Variants in SFXN4 observed in about 807,000 individuals in gnomAD.
SFXN4 encodes the protein sideroflexin-4.
In SFXN4, 48 loss-of-function variants were observed where a neutral mutation model predicts 54.6. That is an observed-to-expected ratio of 0.88 (90% CI 0.70 to 1.12). The LOEUF is 1.12. Ranked by LOEUF, SFXN4 falls within the 50% of genes most tolerant of loss-of-function variation. The probability of loss-of-function intolerance (pLI) is 0.00; values close to 1 mark genes in which losing one functional copy is unlikely to be tolerated. For synonymous variants in SFXN4, 130 were observed against 145.5 expected (o/e 0.89, Z 0.77); for missense variants, 383 against 409.2 (o/e 0.94, Z 0.55).
chr10:119,165,391 T>A, intron 1 of SFXN4, 146 bp downstream of exon 1: 1 of 1,328,998 alleles, frequency 7.5e-7, no homozygotes, highest in Non-Finnish European at 9.6e-7. Flanking sequence ...AGGCCGGTGG[T>A]GCGCGTTCCC....
intron 12 of SFXN4, among the ~76,000 whole-genome samples, 171 bp from the exon 13 acceptor site, chr10:119,146,524 G>A (rs1212734644): frequency 6.6e-6 from 1 of 151,472 alleles, no homozygotes; most frequent in Non-Finnish European, 1.5e-5. Flanking sequence ...TGTTGTACCT[G>A]AACAGCTAGA....
chr10:119,164,451 T>A (rs1017649640), intron 1 of SFXN4, among the ~76,000 whole-genome samples: 19 of 152,118 alleles, frequency 1.2e-4, no homozygotes, highest in Non-Finnish European at 7.4e-5. Flanking sequence ...GCCCTTAACC[T>A]CTCAGTATCA....
At chr10:119,158,167 G>T (rs1266041204) in intron 6 of SFXN4, 105 bp from the exon 7 acceptor site, 1 of 1,073,128 alleles carries the variant, frequency 9.3e-7, no homozygotes, top group Admixed American at 1.7e-5. Flanking sequence ...CCCCCAAGGA[G>T]CTGGGGCAGG....
Position 119,144,272 on chromosome 10 carries a change from T to C in SFXN4, c.936+1964A>G, listed in dbSNP as rs185006147. On this transcript the variant is annotated intron_variant, in intron 13 of 13. Transcript: ENST00000355697. ...GAGATCGAGACCATCCTGGCTAACA[T>C]GGTGAAACCCCATTTCTACTAAAAA... 5.1e-3 allele frequency among the ~76,000 whole-genome samples: 781 copies of C among 152,136 alleles called. 25 individuals are homozygous for C. The highest frequency in any genetic ancestry group is 0.043 in the Admixed American group (659 of 15,264).
At chr10:119,162,182 C>T (rs924013750) in intron 3 of SFXN4, 158 bp downstream of exon 3, 1 of 633,622 alleles carries the variant, frequency 1.6e-6, no homozygotes, top group East Asian at 2.8e-5. Context: ...ATAACAATGA[C>T]AGCATTAATA....
rs866477619 is a variant in SFXN4, at chr10:119,153,544, A to G, written c.732+1518T>C. On this transcript the variant is annotated intron_variant, in intron 11 of 13. Transcript: ENST00000355697. ...TTCTAAGTCCATTCTTGACAAAAGT[A>G]GTCCTTAGCAATGAAGACTATAAGG... 2.0e-5 allele frequency among the ~76,000 whole-genome samples: 3 copies of G among 152,258 alleles called. No homozygotes were observed. The South Asian group carries it at 6.2e-4, about 32-fold the overall frequency.
At position 119,154,829 on chromosome 10, in the gene SFXN4, T is replaced by A. The variant is rs183387586; in HGVS notation, c.732+233A>T. ...GCCAGTGCGACAGAGCAAGACCCTG[T>A]CTCAGAAAGAAAGATTATGTACATA... is the stretch of plus-strand genomic sequence containing the variant. On this transcript the variant is annotated intron_variant, in intron 11 of 13. Coordinates refer to ENST00000355697, the MANE Select transcript of SFXN4 (RefSeq NM_213649.2). 3.9e-5 allele frequency among the ~76,000 whole-genome samples: 6 copies of A among 152,284 alleles called. No individual in the cohort carries two copies. In the East Asian group the frequency reaches 1.2e-3, roughly 29 times the overall value.
chr10:119,155,015 G>C, intron 11 of SFXN4, 47 bp downstream of exon 11: 1 of 1,324,494 alleles, frequency 7.6e-7, no homozygotes, highest in Non-Finnish European at 1.1e-6. Flanking sequence ...GAAAAGTCTA[G>C]TCGTTGCCCA....
intron 3 of SFXN4, 146 bp from the exon 4 acceptor site, chr10:119,161,227 T>A: frequency 1.4e-6 from 1 of 719,662 alleles, no homozygotes; most frequent in South Asian, 1.8e-5. Flanking sequence ...CAAACGATCC[T>A]CCCACCTCAC....
At chr10:119,157,968 A>G (rs538437564) in intron 7 of SFXN4, 41 bp from the exon 8 acceptor site, 6 of 1,614,180 alleles carry the variant, frequency 3.7e-6, no homozygotes, top group Non-Finnish European at 4.2e-6. Flanking sequence ...CGTTTCAAGC[A>G]TAACAGAATT....
chr10:119,146,786 T>C (rs545616893), intron 12 of SFXN4, among the ~76,000 whole-genome samples: 7 of 152,314 alleles, frequency 4.6e-5, no homozygotes, highest in Non-Finnish European at 1.0e-4. Flanking sequence ...CAGGATGGTC[T>C]AGAACTCCTG....
At chr10:119,147,930 G>A in intron 11 of SFXN4, 70 bp from the exon 12 acceptor site, 1 of 1,270,650 alleles carries the variant, frequency 7.9e-7, no homozygotes, top group Non-Finnish European at 1.1e-6. Context: ...CTGCACTTTG[G>A]GAGGCCGAGG....
At chr10:119,149,152 G>A (rs1407607985) in intron 11 of SFXN4, among the ~76,000 whole-genome samples, 1 of 152,120 alleles carries the variant, frequency 6.6e-6, no homozygotes, top group African/African-American at 2.4e-5. Context: ...CTCCTGAGTA[G>A]CTAACATGTT....
At chr10:119,146,565 GTTTGT>G (rs1261402443) in intron 12 of SFXN4, among the ~76,000 whole-genome samples, 1 of 151,624 alleles carries the variant, frequency 6.6e-6, no homozygotes. Context: ...GTTTTTGTTT[GTTTGT>G]TTTGTGTTTT....
At chr10:119,152,717 T>A (rs983096566) in intron 11 of SFXN4, among the ~76,000 whole-genome samples, 1 of 152,114 alleles carries the variant, frequency 6.6e-6, no homozygotes, top group Non-Finnish European at 1.5e-5. Flanking sequence ...TAATTCAGCT[T>A]TGTCAGTCAG....
intron 11 of SFXN4, among the ~76,000 whole-genome samples, chr10:119,152,955 C>G (rs1249710269): frequency 1.3e-5 from 2 of 152,072 alleles, no homozygotes; most frequent in Admixed American, 1.3e-4. Context: ...CATTTGCAAA[C>G]AACTAAAGTC....
intron 13 of SFXN4, among the ~76,000 whole-genome samples, chr10:119,145,265 A>C (rs1035090150): frequency 4.0e-5 from 6 of 150,922 alleles, no homozygotes; most frequent in Non-Finnish European, 8.8e-5. Context: ...ACTGAAACTG[A>C]TGACTCACCT....
intron 11 of SFXN4, among the ~76,000 whole-genome samples, chr10:119,154,746 C>T (rs1178891880): frequency 1.3e-5 from 2 of 152,044 alleles, no homozygotes; most frequent in South Asian, 2.1e-4. Flanking sequence ...GTGGGAGGAC[C>T]GCTTGTGTTA....
chr10:119,161,963 G>C (rs991477780), intron 3 of SFXN4, among the ~76,000 whole-genome samples: 10 of 152,224 alleles, frequency 6.6e-5, no homozygotes, highest in Admixed American at 6.5e-4. Context: ...CTATCGGCAG[G>C]AACGCTGCCT....
Sources: allele counts gnomAD v4.1 joint callset (sites outside exome capture counted in the v4.1 genomes callset), GRCh38; gene constraint gnomAD v4.1.1; transcripts MANE v1.5; gene names NCBI Gene and HGNC (gene_info 2026-07-23, HGNC 2026-07-21).